SVOP: variants seen among roughly 807,000 people sequenced by gnomAD.
SVOP encodes synaptic vesicle 2-related protein.
A neutral mutation model predicts 69.1 loss-of-function variants in SVOP; 17 were observed. The ratio of observed to expected loss-of-function variants is 0.25; its 90% CI spans 0.17 to 0.37. SVOP has a LOEUF of 0.37. Ranked by LOEUF, SVOP falls within the 10% of genes least tolerant of loss-of-function variation. The pLI is 1.00. For missense variants in SVOP, 435 were observed against 597.5 expected, an observed-to-expected ratio of 0.73 and a Z score of 2.84; for synonymous variants, 238 against 238.6, an observed-to-expected ratio of 1.00 and a Z score of 0.02.
Position 108,912,573 on chromosome 12 carries a change from C to T in SVOP, c.1609G>A (p.Ala537Thr), listed in dbSNP as rs1199579835. The change falls in exon 16 of 16, where the codon GCA (alanine) becomes ACA (threonine). Residue 537 changes from alanine to threonine, a missense_variant. By Grantham distance (58) the Ala-to-Thr change is moderately conservative. Transcript: ENST00000610966. ...CCAGAGTTCGACCTGGTAACACCTG[C>T]ACCGTGCATTCCTCGGCCGACCATC... ...QEMVGRGMHG[A>T]GVTRSNSGSQ... The T allele has an allele frequency of 1.4e-5, 22 of 1,613,838 alleles. No individual in the cohort carries two copies. The highest frequency in any genetic ancestry group is 1.8e-5 in the Non-Finnish European group (21 of 1,179,770).
intron 1 of SVOP, among the ~76,000 whole-genome samples, chr12:108,997,721 G>A (rs1395464176): frequency 6.6e-6 from 1 of 151,260 alleles, no homozygotes; most frequent in Non-Finnish European, 1.5e-5. Context: ...CACAAGGCAG[G>A]GTATTCCAAC....
At chr12:108,972,507 A>T in intron 4 of SVOP, 31 bp from the exon 5 acceptor site, 1 of 1,534,464 alleles carries the variant, frequency 6.5e-7, no homozygotes, top group Non-Finnish European at 8.7e-7. Context: ...GTCATTAGAC[A>T]GAGGATGTGG....
At chr12:108,937,564 C>T (rs1312737832) in intron 9 of SVOP, among the ~76,000 whole-genome samples, 5 of 152,230 alleles carry the variant, frequency 3.3e-5, no homozygotes, top group Admixed American at 6.5e-5. Context: ...ATGGATCTCA[C>T]GCCCTCCAAC....
rs570514996 is a variant in SVOP at position 108,913,202 on chromosome 12, C to T, written c.1441-461G>A. Among the ~76,000 whole-genome samples the T allele has an allele frequency of 2.8e-4, 42 of 152,214 alleles. 2 individuals carry two copies. In the South Asian group the frequency reaches 6.6e-3, roughly 24 times the overall value. ...TTCTCCTCCCAAGTAGCTGGGATTA[C>T]AGGCTTCTGCCACCACGCCCGGCTA... On this transcript the variant is annotated intron_variant, in intron 15 of 15. Coordinates refer to ENST00000610966, the MANE Select transcript of SVOP (RefSeq NM_018711.5).
In SVOP at chr12:108,977,389, G is replaced by A. The variant is rs1384667480; in HGVS notation, c.381+9C>T. The stretch of plus-strand genomic sequence containing the variant: ...GTATGCAACAGAAGGGAGCTGCTGG[G>A]CTGCCTACCGAGGTCAGCAATGCCA... On this transcript the variant is annotated intron_variant, in intron 4 of 15. Transcript: ENST00000610966. 1 of 1,536,808 alleles carries A rather than the reference G, an allele frequency of 6.5e-7. No individual in the cohort carries two copies. Among genetic ancestry groups the A allele is most frequent in the South Asian group, 1.2e-5 (1 of 84,038 alleles).
chr12:108,952,228 CTCTT>C (rs2039959460), intron 6 of SVOP, among the ~76,000 whole-genome samples: 1 of 116,844 alleles, frequency 8.6e-6, no homozygotes, highest in Non-Finnish European at 1.9e-5. Context: ...TTTTTCTTTT[CTCTT>C]TTTTTTTTTT....
intron 1 of SVOP, among the ~76,000 whole-genome samples, chr12:108,995,965 CACACACACATACATACAT>C (rs956926297): frequency 2.0e-5 from 3 of 151,826 alleles, no homozygotes; most frequent in Admixed American, 2.0e-4. Flanking sequence ...TAAACATACA[CACACACACATACATACAT>C]ACACACACAT....
chr12:108,967,556 G>A (rs779231988), intron 5 of SVOP, among the ~76,000 whole-genome samples: 13 of 152,162 alleles, frequency 8.5e-5, no homozygotes, highest in South Asian at 2.1e-4. Flanking sequence ...AGCAGGCCCA[G>A]GAGATGAAGA....
At chr12:109,017,483 T>C (rs1262450597) in intron 1 of SVOP, among the ~76,000 whole-genome samples, 2 of 152,044 alleles carry the variant, frequency 1.3e-5, no homozygotes, top group Non-Finnish European at 2.9e-5. Context: ...CATGTAGCTA[T>C]TGAGTATTTG....
At chr12:108,942,970 G>A (rs911216517) in intron 7 of SVOP, among the ~76,000 whole-genome samples, 18 of 152,114 alleles carry the variant, frequency 1.2e-4, no homozygotes, top group Admixed American at 4.6e-4. Context: ...TGTTGGCTAC[G>A]CTGTTCTCAA....
intron 7 of SVOP, among the ~76,000 whole-genome samples, 194 bp from the exon 8 acceptor site, chr12:108,941,103 C>T (rs143180621): frequency 6.6e-6 from 1 of 152,116 alleles, no homozygotes; most frequent in African/African-American, 2.4e-5. Context: ...ACAAGGGTAC[C>T]ATTATACACT....
intron 8 of SVOP, 89 bp from the exon 9 acceptor site, chr12:108,939,044 T>G (rs1593183841): frequency 6.4e-7 from 1 of 1,571,974 alleles, no homozygotes; most frequent in South Asian, 1.1e-5. Context: ...GCATGTGGGG[T>G]CTTTAAGAGT....
At chr12:108,932,979 A>G (rs1189204213) in intron 11 of SVOP, among the ~76,000 whole-genome samples, 2 of 152,132 alleles carry the variant, frequency 1.3e-5, no homozygotes, top group African/African-American at 4.8e-5. Flanking sequence ...GCTGAGTCCA[A>G]GCGATTCTCC....
At chr12:108,941,576 G>A (rs543962777) in intron 7 of SVOP, among the ~76,000 whole-genome samples, 69 of 152,098 alleles carry the variant, frequency 4.5e-4, no homozygotes, top group South Asian at 1.2e-3. Flanking sequence ...CAGTTCAGTG[G>A]TATTAAATAC....
intron 11 of SVOP, among the ~76,000 whole-genome samples, chr12:108,924,726 A>G (rs1315495123): frequency 6.6e-6 from 1 of 152,240 alleles, no homozygotes. Context: ...ATACCTTAAA[A>G]TAATAGCCAC....
chr12:109,020,754 A>G, intron 1 of SVOP, 80 bp downstream of exon 1: 13 of 237,602 alleles, frequency 5.5e-5, no homozygotes, highest in East Asian at 1.6e-4. Context: ...GCAGAGATGT[A>G]CCCCCCCCCA....
intron 1 of SVOP, among the ~76,000 whole-genome samples, chr12:109,001,066 T>A (rs2040266059): frequency 6.6e-6 from 1 of 151,490 alleles, no homozygotes. Flanking sequence ...GAAAACCCCA[T>A]TGTCTCAGCC....
intron 6 of SVOP, among the ~76,000 whole-genome samples, chr12:108,958,315 T>TA (rs549774598): frequency 8.5e-5 from 10 of 118,300 alleles, no homozygotes; most frequent in South Asian, 3.5e-4. Context: ...TTTTTTTTTT[T>TA]TAATTTAATA....
At chr12:108,912,813 A>G (rs1345543970) in intron 15 of SVOP, 72 bp from the exon 16 acceptor site, 1 of 1,438,914 alleles carries the variant, frequency 6.9e-7, no homozygotes, top group Non-Finnish European at 9.6e-7. Context: ...ATCAAATAGT[A>G]TTAGTAACAT....
Sources: allele counts gnomAD v4.1 joint callset (sites outside exome capture counted in the v4.1 genomes callset), GRCh38; gene constraint gnomAD v4.1.1; transcripts MANE v1.5; gene names NCBI Gene and HGNC (gene_info 2026-07-23, HGNC 2026-07-21).